MACF1: variants seen among roughly 807,000 people sequenced by gnomAD.
The protein encoded by MACF1 is microtubule actin crosslinking factor 1.
A neutral mutation model predicts 854.8 loss-of-function variants in MACF1; 193 were observed. The ratio of observed to expected loss-of-function variants is 0.23; its 90% CI spans 0.20 to 0.25. The LOEUF (loss-of-function observed/expected upper bound fraction) is 0.25, where lower values mean the gene tolerates loss of function less well. MACF1 is among the 10% of genes least tolerant of loss of function. The probability of loss-of-function intolerance (pLI) is 1.00; values close to 1 mark genes in which losing one functional copy is unlikely to be tolerated. For missense variants in MACF1, 7,722 were observed against 8,929.1 expected (o/e 0.86, Z 5.45); for synonymous variants, 3,185 against 3,226.7 (o/e 0.99, Z 0.44).
chr1:39,423,956 T>G (rs1643641761), intron 60 of MACF1, 72 bp from the exon 61 acceptor site: 3 of 1,377,582 alleles, frequency 2.2e-6, no homozygotes, highest in Non-Finnish European at 3.0e-6. Flanking sequence ...GTTTCTTTTG[T>G]TTTTTTTCTT....
At chr1:39,410,880 G>C (rs758405234) in intron 58 of MACF1, 1 of 1,614,018 alleles carries the variant, frequency 6.2e-7, no homozygotes, top group Admixed American at 1.7e-5. Context: ...GTATTCCAGA[G>C]GTGCAAGATT....
intron 40 of MACF1, among the ~76,000 whole-genome samples, chr1:39,345,135 T>C (rs946641328): frequency 6.6e-6 from 1 of 152,206 alleles, no homozygotes; most frequent in Non-Finnish European, 1.5e-5. Flanking sequence ...GGAGATCCAG[T>C]ATAACATAAT....
chr1:39,131,298 A>G (rs1340452268), intron 2 of MACF1, among the ~76,000 whole-genome samples: 2 of 150,394 alleles, frequency 1.3e-5, no homozygotes, highest in African/African-American at 4.9e-5. Context: ...TGAGTAAGCT[A>G]GGAATACAGG....
At chr1:39,151,568 A>G (rs925132466) in intron 2 of MACF1, among the ~76,000 whole-genome samples, 4 of 152,128 alleles carry the variant, frequency 2.6e-5, no homozygotes, top group African/African-American at 9.7e-5. Context: ...TAAATGCTTC[A>G]TGTTTGCTCA....
intron 43 of MACF1, 76 bp downstream of exon 43, chr1:39,351,094 G>A: frequency 9.6e-7 from 1 of 1,038,378 alleles, no homozygotes; most frequent in Non-Finnish European, 1.4e-6. Flanking sequence ...AGACAGTGAG[G>A]GGAAAACAGG....
At chr1:39,339,403 G>A (rs1446121921) in intron 38 of MACF1, among the ~76,000 whole-genome samples, 2 of 152,192 alleles carry the variant, frequency 1.3e-5, no homozygotes, top group African/African-American at 4.8e-5. Flanking sequence ...CAAAGGAGGA[G>A]GAGTCAGCCC....
At chr1:39,197,756 C>A (rs1236534437) in intron 2 of MACF1, among the ~76,000 whole-genome samples, 1 of 151,970 alleles carries the variant, frequency 6.6e-6, no homozygotes, top group East Asian at 1.9e-4. Context: ...CATGGTGATG[C>A]ATGTTTATAG....
rs74605742 is a variant in MACF1 at position 39,460,216 on chromosome 1, A to G, written c.21361-416A>G. On this transcript the variant is annotated intron_variant, in intron 91 of 100. Transcript: ENST00000564288. This position sits in a 1 kb window ranked among gnomAD's most constrained non-coding sequence, Gnocchi z 4.1. The stretch of plus-strand genomic sequence containing the variant: ...TAGTGGTAAACACGAGCCTCCTGAT[A>G]TGAGCCCTATGTGTGATTATAATGC... Among the ~76,000 whole-genome samples, 3,514 of 152,312 alleles carry G rather than the reference A, an allele frequency of 0.023. 145 individuals are homozygous for G. The highest frequency in any genetic ancestry group is 0.081 in the African/African-American group (3,349 of 41,560).
chr1:39,144,776 C>A (rs1225505719), intron 2 of MACF1, among the ~76,000 whole-genome samples: 2 of 152,004 alleles, frequency 1.3e-5, no homozygotes, highest in Non-Finnish European at 2.9e-5. Flanking sequence ...CAGGTGTGAA[C>A]CACTGTGCCT....
intron 2 of MACF1, among the ~76,000 whole-genome samples, chr1:39,113,208 C>G (rs938105928): frequency 5.3e-5 from 8 of 152,112 alleles, no homozygotes; most frequent in African/African-American, 1.9e-4. Flanking sequence ...GCTCACCCAT[C>G]TCCCTAATAC....
intron 72 of MACF1, among the ~76,000 whole-genome samples, chr1:39,439,984 ATAGATGGTAGAAAAT>A (rs201415967): frequency 0.024 from 3,631 of 152,220 alleles, 111 homozygotes; most frequent in East Asian, 0.16. Flanking sequence ...ATGTAGAAAA[ATAGATGGTAGAAAAT>A]AAAAATCAAT....
chr1:39,255,142 A>G (rs1210185838), intron 5 of MACF1, among the ~76,000 whole-genome samples: 1 of 152,154 alleles, frequency 6.6e-6, no homozygotes, highest in African/African-American at 2.4e-5. Context: ...ACTTTAACTC[A>G]GGCCTTCTGA....
chr1:39,145,745 C>T (rs1300689247), intron 2 of MACF1, among the ~76,000 whole-genome samples: 1 of 152,170 alleles, frequency 6.6e-6, no homozygotes, highest in Non-Finnish European at 1.5e-5. Context: ...TGTGTGCTAT[C>T]TCTGGATGAG....
At chr1:39,257,900 C>G (rs773707293) in intron 5 of MACF1, 36 bp from the exon 6 acceptor site, 1 of 1,481,328 alleles carries the variant, frequency 6.8e-7, no homozygotes, top group Non-Finnish European at 9.4e-7. Context: ...ACAAAAAGTC[C>G]TAGAGCTCTG....
At chr1:39,126,295 T>C (rs576602728) in intron 2 of MACF1, among the ~76,000 whole-genome samples, 1 of 152,342 alleles carries the variant, frequency 6.6e-6, no homozygotes, top group East Asian at 1.9e-4. Context: ...AATGATGTTC[T>C]CTCACCGCCT....
intron 84 of MACF1, 107 bp from the exon 85 acceptor site, chr1:39,450,945 C>A: frequency 8.1e-7 from 1 of 1,236,940 alleles, no homozygotes. Context: ...ACATAGAAGT[C>A]ACTCTCTATA....
intron 95 of MACF1, among the ~76,000 whole-genome samples, chr1:39,466,073 G>A (rs1644661891): frequency 6.6e-6 from 1 of 152,100 alleles, no homozygotes; most frequent in Non-Finnish European, 1.5e-5. Flanking sequence ...TGTTGAGAAC[G>A]GAATTATGAA....
intron 31 of MACF1, among the ~76,000 whole-genome samples, chr1:39,320,211 A>G (rs1482439029): frequency 1.3e-5 from 2 of 151,876 alleles, no homozygotes; most frequent in African/African-American, 4.8e-5. Flanking sequence ...TCTCCCCTCT[A>G]TTTCCCTAGT....
Position 39,360,808 on chromosome 1 carries a change from A to G in MACF1, c.12260A>G (p.His4087Arg), listed in dbSNP as rs976580974. ...GATTTTTCAGATTCCATACTCAGCC[A>G]CTTCCAAAGCCTCTCCTATAGCCTG... Reference protein sequence around the residue: ...VQETTDSILSHFQSLSYSLAE... With the variant: ...VQETTDSILSRFQSLSYSLAE... The change falls in exon 48 of 101, where the codon CAC (histidine) becomes CGC (arginine). Residue 4087 changes from histidine to arginine, a missense_variant. By Grantham distance (29) the His-to-Arg change is conservative. Coordinates refer to ENST00000564288, the MANE Select transcript of MACF1 (RefSeq NM_001394062.1). 1.2e-6 allele frequency: 2 copies of G among 1,607,936 alleles called. No homozygotes were observed. Among genetic ancestry groups the G allele is most frequent in the African/African-American group, 1.3e-5 (1 of 74,736 alleles).
Sources: allele counts gnomAD v4.1 joint callset (sites outside exome capture counted in the v4.1 genomes callset), GRCh38; gene constraint gnomAD v4.1.1; non-coding constraint Gnocchi (gnomAD v3.1); transcripts MANE v1.5; gene names NCBI Gene and HGNC (gene_info 2026-07-23, HGNC 2026-07-21).